The following NOL9 variants were observed in gnomAD, a reference collection of about 807,000 sequenced individuals.
NOL9 encodes the protein polynucleotide 5'-hydroxyl-kinase NOL9.
A neutral mutation model predicts 67.9 loss-of-function variants in NOL9; 28 were observed. The ratio of observed to expected loss-of-function variants is 0.41; its 90% CI spans 0.31 to 0.57. The LOEUF (loss-of-function observed/expected upper bound fraction) is 0.57, where lower values mean the gene tolerates loss of function less well. Among genes scored for constraint, NOL9 ranks in the 20% least tolerant of loss-of-function variants. The pLI, the probability that NOL9 is intolerant of heterozygous loss-of-function variation, is 0.25. For missense variants in NOL9, 777 were observed against 897.0 expected, an observed-to-expected ratio of 0.87 and a Z score of 1.71; for synonymous variants, 356 against 352.2, an observed-to-expected ratio of 1.01 and a Z score of -0.12.
chr1:6,546,412 C>T (rs1220802601), intron 3 of NOL9, among the ~76,000 whole-genome samples: 6 of 152,208 alleles, frequency 3.9e-5, no homozygotes, highest in Admixed American at 3.9e-4. Context: ...TCACAACAGT[C>T]CGTTCGCTGT....
In NOL9 at chr1:6,526,777, A is replaced by G; in HGVS notation, c.1878T>C (p.Pro626=). The change falls in exon 11 of 12, where the codon CCT becomes CCC. Residue 626 remains proline (P), a synonymous_variant. Coordinates refer to ENST00000377705, the MANE Select transcript of NOL9 (RefSeq NM_024654.5). ...CGGTCCTTAGCTCTTCCGGGGGCAC[A>G]GGGGTGAGGATGTGGTACAGCCGCT... ...MEKRLYHILT[P]VPPEELRTVN... 6.2e-7 allele frequency: 1 copy of G among 1,613,778 alleles called. No homozygotes were observed. The highest frequency in any genetic ancestry group is 8.5e-7 in the Non-Finnish European group (1 of 1,179,802).
chr1:6,540,121 A>AGTCTTT (rs1553183453), intron 6 of NOL9, among the ~76,000 whole-genome samples: 1 of 19,000 alleles, frequency 5.3e-5, no homozygotes, highest in Admixed American at 8.4e-4. Flanking sequence ...AAGGAGAGTT[A>AGTCTTT]TTCTTTTTTT....
intron 6 of NOL9, among the ~76,000 whole-genome samples, chr1:6,540,315 G>C (rs1483980956): frequency 6.6e-6 from 1 of 151,710 alleles, no homozygotes; most frequent in South Asian, 2.1e-4. Flanking sequence ...GTAGAGACGG[G>C]GTTTCACCAT....
At chr1:6,526,328 G>A (rs998636772) in intron 11 of NOL9, among the ~76,000 whole-genome samples, 2 of 152,136 alleles carry the variant, frequency 1.3e-5, no homozygotes, top group African/African-American at 2.4e-5. Flanking sequence ...GAGCCCACTC[G>A]CAGTCCCTGT....
intron 3 of NOL9, chr1:6,547,872 C>G: frequency 6.1e-6 from 1 of 163,172 alleles, no homozygotes; most frequent in African/African-American, 2.4e-5. Flanking sequence ...TAAAAGCTCT[C>G]TTCTTGGGAC....
intron 6 of NOL9, among the ~76,000 whole-genome samples, chr1:6,541,140 C>G (rs1639282264): frequency 6.6e-6 from 1 of 151,454 alleles, no homozygotes; most frequent in African/African-American, 2.4e-5. Flanking sequence ...CTCGGCGTCC[C>G]AAGTAGCTGG....
chr1:6,529,071 A>G lies in NOL9; in HGVS notation c.1748T>C (p.Ile583Thr). 6.2e-7 allele frequency: 1 copy of G among 1,614,162 alleles called. No individual in the cohort carries two copies. The highest frequency in any genetic ancestry group is 8.5e-7 in the Non-Finnish European group (1 of 1,180,026). ...VNASWVGLCKIQDDVRGYTNG... is the reference protein window; with the variant it reads ...VNASWVGLCKTQDDVRGYTNG... Reference sequence around the variant, plus strand: ...CGTGTATCCTCTGACGTCATCCTGGATCTTGCAAAGACCAACCCAGCTGGC... The same window carrying G: ...CGTGTATCCTCTGACGTCATCCTGGGTCTTGCAAAGACCAACCCAGCTGGC... The change falls in exon 10 of 12, where the codon ATC becomes ACC. Residue 583 changes from isoleucine (I) to threonine (T), a missense_variant. Physicochemically the swap from Ile to Thr is moderately conservative, Grantham distance 89. This residue lies in a region of NOL9 where 413 missense variants were observed against 552.6 expected (regional missense o/e 0.75). Transcript: ENST00000377705.
At chr1:6,554,032 AC>A in intron 1 of NOL9, 74 bp downstream of exon 1, 1 of 1,277,166 alleles carries the variant, frequency 7.8e-7, no homozygotes, top group South Asian at 1.4e-5. Flanking sequence ...GTCCTCTCCT[AC>A]CCTGCAGCTC....
In NOL9 at chr1:6,554,331, A is replaced by C. The variant is rs6693391; in HGVS notation, c.172T>G (p.Ser58Ala). 0.99 allele frequency: 1,443,560 copies of C among 1,460,304 alleles called. 713,985 individuals carry two copies. The highest frequency in any genetic ancestry group is 1 in the South Asian group (71,414 of 71,766). 90.5% of individuals were successfully genotyped at this position (1,460,304 alleles called of 1,614,324 possible). A position where few individuals can be genotyped will look rare whatever the true frequency, so the allele number is the denominator to read the frequency against. Residue 58 changes from serine to alanine, a missense_variant, in exon 1 of 12, where the codon TCC becomes GCC. Physicochemically the swap from Ser to Ala is moderately conservative, Grantham distance 99. Transcript: ENST00000377705. ...LRWRLLQAQA[S>A]GVDWREGARQ... ...GCTCCCTCCCTCCAGTCCACGCCGG[A>C]CGCCTGGGCTTGCAGTAACCGCCAC...
At chr1:6,535,317 G>C (rs900410864) in intron 6 of NOL9, among the ~76,000 whole-genome samples, 1 of 152,192 alleles carries the variant, frequency 6.6e-6, no homozygotes, top group Admixed American at 6.5e-5. Context: ...AGGAGCCAGG[G>C]CTCTCTGGAA....
chr1:6,537,114 C>G (rs941753280), intron 6 of NOL9, among the ~76,000 whole-genome samples: 1 of 152,070 alleles, frequency 6.6e-6, no homozygotes, highest in Non-Finnish European at 1.5e-5. Context: ...CAATTGACTT[C>G]TGACAAAGGT....
chr1:6,522,850 C>T lies in NOL9; in HGVS notation c.*3004G>A, dbSNP rs1367874599. On this transcript the variant is annotated 3_prime_UTR_variant, in exon 12 of 12. Coordinates refer to ENST00000377705, the MANE Select transcript of NOL9 (RefSeq NM_024654.5). ...AGTGAGCCGAGATCACTCCACTGCA[C>T]CCCAGCCTGGGCGACAGAGCTAGAC... The T allele has an allele frequency of 2.0e-5, 3 of 147,154 alleles. No individual in the cohort carries two copies. Among genetic ancestry groups the T allele is most frequent in the African/African-American group, 7.7e-5 (3 of 38,906 alleles). The allele number at this position is 147,154 out of a possible 1,614,324, so 9.1% of individuals were successfully genotyped here. A position where few individuals can be genotyped will look rare whatever the true frequency, so the allele number is the denominator to read the frequency against.
chr1:6,531,590 C>T (rs1557783790), intron 9 of NOL9, among the ~76,000 whole-genome samples: 1 of 152,170 alleles, frequency 6.6e-6, no homozygotes, highest in Admixed American at 6.5e-5. Context: ...CGTTCACTCT[C>T]TGAGGCCCAG....
Position 6,522,437 on chromosome 1 carries a change from C to G in NOL9, c.*3417G>C, listed in dbSNP as rs949231713. 1 of 152,042 alleles carries G rather than the reference C, an allele frequency of 6.6e-6. No homozygotes were observed. The highest frequency in any genetic ancestry group is 1.5e-5 in the Non-Finnish European group (1 of 68,042). 9.4% of individuals were successfully genotyped at this position (152,042 alleles called of 1,614,324 possible). Reference sequence around the variant, plus strand: ...TGGTGGCAGGCGCCTGTAATCCCAGCTACTTGGGAGGCTGAAGCAGGAGAA... The same window carrying G: ...TGGTGGCAGGCGCCTGTAATCCCAGGTACTTGGGAGGCTGAAGCAGGAGAA... On this transcript the variant is annotated 3_prime_UTR_variant, in exon 12 of 12. Coordinates refer to ENST00000377705, the MANE Select transcript of NOL9 (RefSeq NM_024654.5).
chr1:6,541,781 C>G (rs369902203), intron 6 of NOL9, 49 bp downstream of exon 6: 1 of 1,147,682 alleles, frequency 8.7e-7, no homozygotes, highest in African/African-American at 1.6e-5. Context: ...AGCATCATCA[C>G]ATATGAATTT....
chr1:6,547,187 C>T (rs1456203451), intron 3 of NOL9, among the ~76,000 whole-genome samples: 1 of 152,156 alleles, frequency 6.6e-6, no homozygotes, highest in African/African-American at 2.4e-5. Context: ...CATCTGGTGG[C>T]CTGGGTATCC....
At chr1:6,545,219 A>T (rs1026719475) in intron 3 of NOL9, 39 bp from the exon 4 acceptor site, 10 of 1,584,496 alleles carry the variant, frequency 6.3e-6, no homozygotes, top group Non-Finnish European at 7.7e-6. Flanking sequence ...GAAAAAATGC[A>T]TATTTTTTTC....
In NOL9 at chr1:6,525,572, G is replaced by C. The variant is rs984531097; in HGVS notation, c.*282C>G. 1 of 370,316 alleles carries C rather than the reference G, an allele frequency of 2.7e-6. No homozygotes were observed. Among genetic ancestry groups the C allele is most frequent in the Non-Finnish European group, 4.9e-6 (1 of 205,526 alleles). The allele number at this position is 370,316 out of a possible 1,614,324, so 22.9% of individuals were successfully genotyped here. On this transcript the variant is annotated 3_prime_UTR_variant, in exon 12 of 12. Coordinates refer to ENST00000377705, the MANE Select transcript of NOL9 (RefSeq NM_024654.5). ...TAACCAGGTCCCTGAAGAACTTTCT[G>C]AGGAATCTCTGTTTTAATGGCACAC...
At chr1:6,545,006 G>C (rs1010825148) in intron 4 of NOL9, 39 bp downstream of exon 4, 1 of 1,613,900 alleles carries the variant, frequency 6.2e-7, no homozygotes, top group Non-Finnish European at 8.5e-7. Context: ...TGGGGGTCTG[G>C]TGGACAGACA....
Sources: gnomAD v4.1 joint callset for allele counts (sites outside exome capture counted in the v4.1 genomes callset) on GRCh38, gnomAD v4.1.1 for gene constraint, gnomAD v4.1.1 regional missense constraint, MANE v1.5 for transcripts, NCBI Gene and HGNC (gene_info 2026-07-23, HGNC 2026-07-21) for gene names.